PKIB: variants seen among roughly 807,000 people sequenced by gnomAD.
PKIB encodes cAMP-dependent protein kinase inhibitor beta.
Under a neutral mutation model 4.5 loss-of-function variants are expected in PKIB, and 2 were observed. The observed-to-expected ratio is 0.44, with a 90% CI of 0.18 to 1.39. PKIB has a LOEUF of 1.39. Among genes scored for constraint, PKIB ranks in the 40% most tolerant of loss-of-function variants. The pLI, the probability that PKIB is intolerant of heterozygous loss-of-function variation, is 0.27. For synonymous variants in PKIB, 38 were observed against 36.0 expected (o/e 1.06, Z -0.20); for missense variants, 94 against 92.6 (o/e 1.02, Z -0.06).
chr6:122,725,716 C>T lies in PKIB; in HGVS notation c.*521C>T, dbSNP rs1432951037. Reference sequence around the variant, plus strand: ...CAGACTTTTTCCCAAACCTCAAAAACGTCTTGGAAAAATTGTAAAAGTTTG... The same window carrying T: ...CAGACTTTTTCCCAAACCTCAAAAATGTCTTGGAAAAATTGTAAAAGTTTG... On this transcript the variant is annotated 3_prime_UTR_variant, in exon 5 of 5. Coordinates refer to ENST00000368452, the MANE Select transcript of PKIB (RefSeq NM_181795.3). The T allele has an allele frequency of 6.6e-6, 1 of 152,098 alleles. No homozygotes were observed. The highest frequency in any genetic ancestry group is 1.9e-4 in the East Asian group (1 of 5,196). 9.4% of individuals were successfully genotyped at this position (152,098 alleles called of 1,614,324 possible).
intron 2 of PKIB, among the ~76,000 whole-genome samples, chr6:122,660,920 T>C (rs1776959761): frequency 6.6e-6 from 1 of 152,184 alleles, no homozygotes; most frequent in African/African-American, 2.4e-5. Flanking sequence ...CTTACATTTA[T>C]AGATTAAATA....
intron 2 of PKIB, among the ~76,000 whole-genome samples, chr6:122,500,300 T>C (rs1445159462): frequency 7.2e-5 from 11 of 152,184 alleles, no homozygotes; most frequent in Non-Finnish European, 1.5e-5. Context: ...ACATTCTTTT[T>C]TTTTATATTA....
chr6:122,557,479 G>A (rs947063422), intron 2 of PKIB, among the ~76,000 whole-genome samples: 1 of 152,156 alleles, frequency 6.6e-6, no homozygotes, highest in Non-Finnish European at 1.5e-5. Context: ...CTTTTTCCCT[G>A]TAAGATTGTA....
chr6:122,720,805 G>A (rs1014953649), intron 4 of PKIB, among the ~76,000 whole-genome samples: 3 of 151,794 alleles, frequency 2.0e-5, no homozygotes, highest in Admixed American at 6.6e-5. Flanking sequence ...GGTTTCAAGC[G>A]ATTCTCCTGT....
intron 3 of PKIB, among the ~76,000 whole-genome samples, chr6:122,685,136 A>G (rs754859128): frequency 6.6e-6 from 1 of 152,188 alleles, no homozygotes; most frequent in Non-Finnish European, 1.5e-5. Context: ...TCCTATCACT[A>G]TCTTTAATTT....
chr6:122,691,771 G>C (rs1338594900), intron 3 of PKIB, among the ~76,000 whole-genome samples: 1 of 151,924 alleles, frequency 6.6e-6, no homozygotes, highest in Admixed American at 6.6e-5. Context: ...TTGGTGTTTG[G>C]GCCTTGAAGA....
At chr6:122,694,453 C>T (rs1037418354) in intron 3 of PKIB, among the ~76,000 whole-genome samples, 9 of 152,086 alleles carry the variant, frequency 5.9e-5, no homozygotes, top group Admixed American at 4.6e-4. Context: ...CCATCTCCCA[C>T]GTTAAGATTT....
At chr6:122,636,406 A>T (rs970749132) in intron 2 of PKIB, among the ~76,000 whole-genome samples, 4 of 152,066 alleles carry the variant, frequency 2.6e-5, no homozygotes, top group Non-Finnish European at 5.9e-5. Context: ...TTTTTCTATG[A>T]CAGCAACAAA....
chr6:122,553,389 C>T (rs182723872), intron 2 of PKIB, among the ~76,000 whole-genome samples: 1 of 151,626 alleles, frequency 6.6e-6, no homozygotes, highest in African/African-American at 2.4e-5. Flanking sequence ...GATTGATATC[C>T]TGGCCCTTAA....
At chr6:122,669,909 T>A (rs1582795487) in intron 2 of PKIB, among the ~76,000 whole-genome samples, 1 of 152,112 alleles carries the variant, frequency 6.6e-6, no homozygotes, top group African/African-American at 2.4e-5. Flanking sequence ...TATTGCAAAA[T>A]CCAAAAATGA....
chr6:122,631,779 C>T (rs1775714696), intron 1 of PKIB, among the ~76,000 whole-genome samples: 1 of 152,160 alleles, frequency 6.6e-6, no homozygotes, highest in Non-Finnish European at 1.5e-5. Flanking sequence ...TTGCAATGCC[C>T]TTAGGACATT....
chr6:122,556,317 G>C (rs1989254), intron 2 of PKIB, among the ~76,000 whole-genome samples: 122,495 of 152,148 alleles, frequency 0.81, 49,535 homozygotes, highest in South Asian at 0.92. Flanking sequence ...TTATGAATTA[G>C]CCAGTCTTTG....
chr6:122,576,755 GA>G (rs1441162191), intron 2 of PKIB, among the ~76,000 whole-genome samples: 1 of 116,964 alleles, frequency 8.5e-6, no homozygotes, highest in African/African-American at 3.3e-5. Context: ...ATTTTAAAAA[GA>G]AAAAAGTAAA....
intron 2 of PKIB, among the ~76,000 whole-genome samples, chr6:122,644,930 C>T (rs185375265): frequency 1.1e-3 from 166 of 152,296 alleles, no homozygotes; most frequent in African/African-American, 3.9e-3. Context: ...ACTGTGACAA[C>T]TCCTGTAACT....
intron 3 of PKIB, among the ~76,000 whole-genome samples, chr6:122,695,893 A>G (rs900171041): frequency 2.0e-5 from 3 of 152,092 alleles, no homozygotes; most frequent in African/African-American, 7.2e-5. Flanking sequence ...TCTGTGGTAA[A>G]GATTAAATAA....
At chr6:122,718,924 C>T (rs1779612811) in intron 4 of PKIB, among the ~76,000 whole-genome samples, 2 of 152,038 alleles carry the variant, frequency 1.3e-5, no homozygotes, top group South Asian at 2.1e-4. Flanking sequence ...CACTATTTCT[C>T]ATATGCAACA....
intron 1 of PKIB, among the ~76,000 whole-genome samples, chr6:122,615,687 G>T (rs116775624): frequency 0.033 from 5,080 of 152,190 alleles, 283 homozygotes; most frequent in African/African-American, 0.12. Context: ...CAATATGACT[G>T]GTTTCCTTAT....
At chr6:122,491,086 G>A (rs1298420299) in intron 2 of PKIB, among the ~76,000 whole-genome samples, 4 of 152,162 alleles carry the variant, frequency 2.6e-5, no homozygotes, top group Admixed American at 2.0e-4. Flanking sequence ...GCTTTACAGC[G>A]GGAAGAAAAG....
intron 4 of PKIB, among the ~76,000 whole-genome samples, chr6:122,721,263 C>G (rs1346500988): frequency 6.6e-6 from 1 of 152,130 alleles, no homozygotes; most frequent in Non-Finnish European, 1.5e-5. Flanking sequence ...GGTTCCAAAG[C>G]CTTCATCTTT....
Sources: allele counts gnomAD v4.1 joint callset (sites outside exome capture counted in the v4.1 genomes callset), GRCh38; gene constraint gnomAD v4.1.1; transcripts MANE v1.5; gene names NCBI Gene and HGNC (gene_info 2026-07-23, HGNC 2026-07-21).